The following DCAKD variants were observed in gnomAD, a reference collection of about 807,000 sequenced individuals.
DCAKD encodes dephospho-CoA kinase domain-containing protein.
Under a neutral mutation model 18.7 loss-of-function variants are expected in DCAKD, and 15 were observed. The ratio of observed to expected loss-of-function variants is 0.80; its 90% CI spans 0.54 to 1.24. The LOEUF (loss-of-function observed/expected upper bound fraction) is 1.24. Ranked by LOEUF, DCAKD falls within the 50% of genes most tolerant of loss-of-function variation. The pLI is 0.00. For missense variants in DCAKD, 301 were observed against 322.0 expected (o/e 0.93, Z 0.50); for synonymous variants, 130 against 133.0 (o/e 0.98, Z 0.16).
intron 4 of DCAKD, among the ~76,000 whole-genome samples, chr17:45,026,017 C>CAAG (rs889540186): frequency 1.3e-5 from 2 of 151,822 alleles, no homozygotes; most frequent in African/African-American, 4.8e-5. Context: ...CTCTTGGGAT[C>CAAG]AAGAGGTCTT....
At position 45,023,581 on chromosome 17, in the gene DCAKD, G is replaced by A. The variant is rs2052986157; in HGVS notation, c.*852C>T. 2.5e-5 allele frequency: 3 copies of A among 121,190 alleles called. No individual in the cohort carries two copies. Among genetic ancestry groups the A allele is most frequent in the Admixed American group, 1.1e-4 (1 of 8,976 alleles). 7.5% of individuals were successfully genotyped at this position (121,190 alleles called of 1,614,324 possible). On this transcript the variant is annotated 3_prime_UTR_variant, in exon 5 of 5. Transcript: ENST00000651974. ...CAGCCTGGGGCTTTAGACAGTGCCTGAACTGAGAGCTAGTTGTAGGTTAAA... is the reference window on the plus strand; with the variant it reads ...CAGCCTGGGGCTTTAGACAGTGCCTAAACTGAGAGCTAGTTGTAGGTTAAA...
chr17:45,030,165 T>C lies in DCAKD; in HGVS notation c.331A>G (p.Ile111Val). 4 of 1,614,112 alleles carry C rather than the reference T, an allele frequency of 2.5e-6. No individual in the cohort carries two copies. The South Asian group carries it at 4.4e-5, about 18-fold the overall frequency. ...TCAAACAGCAGGGGGATATCCAGAA[T>C]CACGTAGCGGTATCCTGGGGAGAGG... The part of the protein sequence containing the change: ...KYFLRGYRYV[I>V]LDIPLLFETK... The change falls in exon 4 of 5, where the codon ATT (isoleucine) becomes GTT (valine). Residue 111 changes from isoleucine (I) to valine (V), a missense_variant. Ile to Val is a conservative substitution (Grantham distance 29). Transcript: ENST00000651974.
In DCAKD at chr17:45,034,898, A is replaced by C; in HGVS notation, c.-13T>G. The C allele has an allele frequency of 5.0e-6, 8 of 1,613,900 alleles. No individual in the cohort carries two copies. Among genetic ancestry groups the C allele is most frequent in the Non-Finnish European group, 5.9e-6 (7 of 1,179,822 alleles). Reference sequence around the variant, plus strand: ...CCACCAGAAACATCTTCCAGGAAAGAGAGCTGTCCGCGAGACTACGGAGCC... The same window carrying C: ...CCACCAGAAACATCTTCCAGGAAAGCGAGCTGTCCGCGAGACTACGGAGCC... On this transcript the variant is annotated 5_prime_UTR_variant, in exon 2 of 5. Coordinates refer to ENST00000651974, the MANE Select transcript of DCAKD (RefSeq NM_001288655.2).
chr17:45,031,240 G>T, intron 3 of DCAKD: 4 of 985,278 alleles, frequency 4.1e-6, no homozygotes, highest in Non-Finnish European at 4.8e-6. Context: ...GGCGGTGGGG[G>T]GGTGGCAATC....
intron 1 of DCAKD, among the ~76,000 whole-genome samples, chr17:45,039,056 T>C (rs2053369680): frequency 6.6e-6 from 1 of 152,202 alleles, no homozygotes; most frequent in African/African-American, 2.4e-5. Flanking sequence ...TAAGCAGGAA[T>C]GGTCAGGTGG....
chr17:45,035,088 C>T (rs912709094), intron 1 of DCAKD, 89 bp from the exon 2 acceptor site: 1 of 570,170 alleles, frequency 1.8e-6, no homozygotes, highest in Non-Finnish European at 3.2e-6. Flanking sequence ...GACAGCTTGG[C>T]TGGGGAGGGA....
chr17:45,043,878 C>T (rs573756084), intron 1 of DCAKD, among the ~76,000 whole-genome samples: 1 of 152,200 alleles, frequency 6.6e-6, no homozygotes, highest in South Asian at 2.1e-4. Context: ...CTCACACCCT[C>T]CATCCAACCC....
intron 3 of DCAKD, 116 bp from the exon 4 acceptor site, chr17:45,030,295 C>T: frequency 1.2e-6 from 1 of 838,888 alleles, no homozygotes; most frequent in Non-Finnish European, 2.0e-6. Flanking sequence ...CTTCCAAGGA[C>T]ACACATACCC....
In DCAKD at chr17:45,026,470, C is replaced by T. The variant is rs148655970; in HGVS notation, c.405-1746G>A. The T allele has an allele frequency of 4.1e-3, 1,123 of 275,602 alleles. 10 individuals are homozygous for T. Among genetic ancestry groups the T allele is most frequent in the African/African-American group, 0.023 (1,022 of 43,612 alleles). 17.1% of individuals were successfully genotyped at this position (275,602 alleles called of 1,614,324 possible). On this transcript the variant is annotated intron_variant, in intron 4 of 4. Transcript: ENST00000651974. ...CTCGATCTCCTGACCTTGTGATCTG[C>T]CTGCCTCGGCCTCCCAAAGTGCTGG...
chr17:45,049,154 A>G (rs1307527646), intron 1 of DCAKD, among the ~76,000 whole-genome samples: 1 of 151,988 alleles, frequency 6.6e-6, no homozygotes, highest in African/African-American at 2.4e-5. Flanking sequence ...AGAAGGAAAA[A>G]GGGCCAAGCA....
At chr17:45,057,595 C>T (rs370767488) in intron 1 of DCAKD, among the ~76,000 whole-genome samples, 57 of 149,116 alleles carry the variant, frequency 3.8e-4, no homozygotes, top group African/African-American at 1.3e-3. Context: ...CCCAGCTACT[C>T]GGGAGGTTGA....
chr17:45,039,914 G>GA (rs974979089), intron 1 of DCAKD, among the ~76,000 whole-genome samples: 1 of 152,244 alleles, frequency 6.6e-6, no homozygotes, highest in Non-Finnish European at 1.5e-5. Flanking sequence ...CCAACATGGC[G>GA]AAACCCCATC....
chr17:45,051,776 A>C (rs1416084139), upstream of DCAKD: 1 of 1,236 alleles, frequency 8.1e-4, no homozygotes, highest in Non-Finnish European at 1.6e-3. Context: ...GGGCCGGGAG[A>C]GGTTGGGCGG....
rs9900173 is a variant in DCAKD at position 45,034,320 on chromosome 17, G to A, written c.183C>T (p.Asn61=). 0.32 allele frequency: 509,090 copies of A among 1,613,828 alleles called. 82,011 individuals are homozygous for A. The highest frequency in any genetic ancestry group is 0.33 in the Non-Finnish European group (391,448 of 1,179,970). The change falls in exon 3 of 5, where the codon AAC becomes AAT. Residue 61 remains asparagine (N), a synonymous_variant. Transcript: ENST00000651974. ...CCAGGACCTTGCGATTTATGTCGCC[G>A]TTCTCCAGCAAGACCTCAGTGCCGA... ...EVFGTEVLLE[N]GDINRKVLGD...
chr17:45,041,969 A>T (rs2053448491), intron 1 of DCAKD, among the ~76,000 whole-genome samples: 1 of 151,534 alleles, frequency 6.6e-6, no homozygotes, highest in Admixed American at 6.6e-5. Flanking sequence ...AAAAAAAAAT[A>T]GCTGGGCATG....
intron 4 of DCAKD, among the ~76,000 whole-genome samples, chr17:45,025,330 G>C (rs186692809): frequency 5.9e-5 from 9 of 152,272 alleles, no homozygotes; most frequent in Non-Finnish European, 1.2e-4. Context: ...TAATGCCACT[G>C]ATGATGTGGG....
intron 1 of DCAKD, among the ~76,000 whole-genome samples, chr17:45,058,756 C>A (rs1458767990): frequency 1.3e-5 from 2 of 152,150 alleles, no homozygotes; most frequent in Admixed American, 6.6e-5. Context: ...CTCTGACCCC[C>A]CCCTTCCCTG....
Position 45,034,913 on chromosome 17 carries a change from ACTACGGAGCCAGGAG to A in DCAKD, c.-43_-29del, listed in dbSNP as rs1308103627. On this transcript the variant is annotated 5_prime_UTR_variant, in exon 2 of 5. Transcript: ENST00000651974. ...TCCAGGAAAGAGAGCTGTCCGCGAG[ACTACGGAGCCAGGAG>A]CTACAGAATCACTGGAGAGCAGGGC... is the stretch of plus-strand genomic sequence containing the variant. 2 of 1,611,476 alleles carry A rather than the reference ACTACGGAGCCAGGAG, an allele frequency of 1.2e-6. No individual in the cohort carries two copies. The highest frequency in any genetic ancestry group is 8.5e-7 in the Non-Finnish European group (1 of 1,178,020).
chr17:45,049,709 T>A (rs2053647278), intron 1 of DCAKD, among the ~76,000 whole-genome samples: 2 of 127,548 alleles, frequency 1.6e-5, no homozygotes, highest in African/African-American at 6.2e-5. Context: ...TTCTTTTTCT[T>A]TTCCTTTTTT....
Sources: gnomAD v4.1 joint callset for allele counts (sites outside exome capture counted in the v4.1 genomes callset) on GRCh38, gnomAD v4.1.1 for gene constraint, MANE v1.5 for transcripts, NCBI Gene and HGNC (gene_info 2026-07-23, HGNC 2026-07-21) for gene names.